The following FAM184A variants were observed in gnomAD, a reference collection of about 807,000 sequenced individuals.
FAM184A encodes the protein protein FAM184A.
In FAM184A, 99 loss-of-function variants were observed where a neutral mutation model predicts 143.8. That is an observed-to-expected ratio of 0.69 (90% CI 0.58 to 0.81). The LOEUF is 0.81. Ranked by LOEUF, FAM184A falls within the 40% of genes least tolerant of loss-of-function variation. The probability of loss-of-function intolerance (pLI) is 0.00; values close to 1 mark genes in which losing one functional copy is unlikely to be tolerated. For missense variants in FAM184A, 1,217 were observed against 1,310.5 expected (o/e 0.93, Z 1.10); for synonymous variants, 427 against 446.4 (o/e 0.96, Z 0.55).
At chr6:119,085,769 A>G (rs996501256) in intron 1 of FAM184A, among the ~76,000 whole-genome samples, 1 of 152,362 alleles carries the variant, frequency 6.6e-6, no homozygotes, top group Admixed American at 6.5e-5. Context: ...GATGCAGAGG[A>G]CGCATAGAAG....
At chr6:118,997,011 A>C (rs184529754) in intron 9 of FAM184A, among the ~76,000 whole-genome samples, 1 of 58,562 alleles carries the variant, frequency 1.7e-5, no homozygotes, top group Non-Finnish European at 3.5e-5. Context: ...GGCGTGAGCC[A>C]CCAGACCCAA....
chr6:118,974,697 C>G, intron 13 of FAM184A, 123 bp from the exon 14 acceptor site: 1 of 757,822 alleles, frequency 1.3e-6, no homozygotes, highest in Non-Finnish European at 2.0e-6. Context: ...TGTAAACAGC[C>G]TAAATTAAGC....
intron 9 of FAM184A, among the ~76,000 whole-genome samples, chr6:118,995,005 A>G (rs145338039): frequency 0.018 from 2,707 of 152,354 alleles, 38 homozygotes; most frequent in Non-Finnish European, 0.021. Flanking sequence ...GAAGCAATAG[A>G]AAGGAATTCT....
In FAM184A at chr6:118,979,494, T is replaced by C. The variant is rs758784729; in HGVS notation, c.2326A>G (p.Lys776Glu). The change falls in exon 11 of 18, where the codon AAG becomes GAG. Residue 776 changes from lysine to glutamate, a missense_variant. Lys to Glu is a moderately conservative substitution (Grantham distance 56, BLOSUM62 1). Transcript: ENST00000338891. ...AGTGATTGAAGCTCTGCAGAATGCTTCTGTTGTAAATGATTTTCAAGAGCC... is the reference window on the plus strand; with the variant it reads ...AGTGATTGAAGCTCTGCAGAATGCTCCTGTTGTAAATGATTTTCAAGAGCC... The part of the protein sequence containing the change: ...QRALENHLQQ[K>E]HSAELQSLKD... The C allele has an allele frequency of 6.2e-7, 1 of 1,611,894 alleles. No homozygotes were observed. The highest frequency in any genetic ancestry group is 8.5e-7 in the Non-Finnish European group (1 of 1,179,418).
upstream of FAM184A, among the ~76,000 whole-genome samples, chr6:119,081,621 T>A (rs955147860): frequency 6.6e-6 from 1 of 152,166 alleles, no homozygotes; most frequent in Non-Finnish European, 1.5e-5. Context: ...AAGAATTGGA[T>A]CACACGTGGG....
At chr6:119,022,278 C>T (rs1785474886) in intron 3 of FAM184A, among the ~76,000 whole-genome samples, 1 of 151,670 alleles carries the variant, frequency 6.6e-6, no homozygotes, top group African/African-American at 2.4e-5. Flanking sequence ...AGGCTGGTCT[C>T]AAACCTCTGG....
At chr6:119,105,542 G>C (rs891760584) in intron 1 of FAM184A, among the ~76,000 whole-genome samples, 2 of 152,160 alleles carry the variant, frequency 1.3e-5, no homozygotes, top group Non-Finnish European at 2.9e-5. Context: ...TAAGCCTGCA[G>C]AACTGTGAGT....
chr6:119,145,401 C>T (rs1263624244), intron 1 of FAM184A, among the ~76,000 whole-genome samples: 1 of 152,146 alleles, frequency 6.6e-6, no homozygotes, highest in African/African-American at 2.4e-5. Context: ...TGTCATTAAA[C>T]CCTTCAATCA....
intron 1 of FAM184A, among the ~76,000 whole-genome samples, chr6:119,136,463 A>T (rs1442855767): frequency 6.6e-6 from 1 of 152,166 alleles, no homozygotes; most frequent in Non-Finnish European, 1.5e-5. Context: ...GCATTAAAAA[A>T]ATTGGCAGCG....
intron 1 of FAM184A, among the ~76,000 whole-genome samples, chr6:119,045,672 G>T (rs1352152750): frequency 6.6e-6 from 1 of 152,114 alleles, no homozygotes; most frequent in Non-Finnish European, 1.5e-5. Flanking sequence ...GATAGAAGAT[G>T]CAAAATGCAC....
intron 9 of FAM184A, among the ~76,000 whole-genome samples, chr6:118,984,521 A>C (rs1784130233): frequency 1.5e-5 from 1 of 67,082 alleles, no homozygotes; most frequent in South Asian, 6.2e-4. Flanking sequence ...TACCTCTATA[A>C]TGGTGTTTGT....
chr6:119,121,724 T>A (rs750823324), intron 1 of FAM184A, among the ~76,000 whole-genome samples: 15 of 152,216 alleles, frequency 9.9e-5, no homozygotes, highest in Non-Finnish European at 1.9e-4. Context: ...TCCGGCTTCA[T>A]GCTAAATAGT....
chr6:119,003,981 T>A (rs1469551573), intron 7 of FAM184A, among the ~76,000 whole-genome samples: 1 of 152,212 alleles, frequency 6.6e-6, no homozygotes. Flanking sequence ...TAGACAGATA[T>A]GTTATTCAAA....
intron 4 of FAM184A, 80 bp from the exon 5 acceptor site, chr6:119,017,024 T>C (rs1045914337): frequency 4.7e-5 from 42 of 897,722 alleles, no homozygotes; most frequent in Admixed American, 8.0e-5. Context: ...ACCCTATAAA[T>C]ATGGAAGCTT....
At chr6:118,985,263 AAC>A (rs561932565) in intron 9 of FAM184A, among the ~76,000 whole-genome samples, 2 of 152,254 alleles carry the variant, frequency 1.3e-5, no homozygotes, top group Non-Finnish European at 2.9e-5. Flanking sequence ...TAGCAGCTGA[AAC>A]AGAGACACCT....
rs866356583 is a variant in FAM184A, at chr6:119,078,185, C to A, written c.115G>T (p.Glu39Ter). The A allele has an allele frequency of 6.3e-7, 1 of 1,590,552 alleles. No individual in the cohort carries two copies. Among genetic ancestry groups the A allele is most frequent in the East Asian group, 2.3e-5 (1 of 43,528 alleles). The change falls in exon 1 of 18, where the codon GAG becomes TAG. Residue 39 changes from glutamate (E) to a stop codon, truncating the protein, a stop_gained. Coordinates refer to ENST00000338891, the MANE Select transcript of FAM184A (RefSeq NM_024581.6). LOFTEE classifies it high-confidence loss of function. The surrounding 1 kb of genome is among the most constrained non-coding windows in gnomAD (Gnocchi z 5.5). The part of the protein sequence containing the change: ...LAGHSMDYSQ[E>*]MHLKMSKKIA... ...TTCTTGCTCATTTTCAGGTGCATCT[C>A]CTGGCTGTAGTCCATGCTGTGCCCA...
At chr6:119,127,284 C>T (rs145972382) in intron 1 of FAM184A, among the ~76,000 whole-genome samples, 6 of 152,234 alleles carry the variant, frequency 3.9e-5, no homozygotes, top group African/African-American at 1.4e-4. Flanking sequence ...TTCACAGTAG[C>T]ACCTAGGTTA....
intron 1 of FAM184A, among the ~76,000 whole-genome samples, chr6:119,085,430 C>T (rs1343554605): frequency 6.6e-6 from 1 of 152,216 alleles, no homozygotes; most frequent in Non-Finnish European, 1.5e-5. Flanking sequence ...CTCCAGTTTC[C>T]AATAATTCCT....
chr6:119,026,578 G>A (rs545979308), intron 1 of FAM184A, among the ~76,000 whole-genome samples: 1 of 152,254 alleles, frequency 6.6e-6, no homozygotes, highest in African/African-American at 2.4e-5. Context: ...GAAAGGGAGG[G>A]GTCAGACATG....
Sources: allele counts gnomAD v4.1 joint callset (sites outside exome capture counted in the v4.1 genomes callset), GRCh38; gene constraint gnomAD v4.1.1; non-coding constraint Gnocchi (gnomAD v3.1); transcripts MANE v1.5; gene names NCBI Gene and HGNC (gene_info 2026-07-23, HGNC 2026-07-21).